The following HTR3B variants were observed in gnomAD, a reference collection of about 807,000 sequenced individuals.
HTR3B encodes the protein 5-hydroxytryptamine (serotonin) receptor 3B, ionotropic.
A neutral mutation model predicts 42.8 loss-of-function variants in HTR3B; 44 were observed. That is an observed-to-expected ratio of 1.03 (90% CI 0.81 to 1.32). The LOEUF (loss-of-function observed/expected upper bound fraction) is 1.32, where lower values mean the gene tolerates loss of function less well. HTR3B is among the 40% of genes most tolerant of loss of function. The pLI is 0.00. For synonymous variants in HTR3B, 203 were observed against 209.0 expected, an observed-to-expected ratio of 0.97 and a Z score of 0.25; for missense variants, 527 against 536.5, an observed-to-expected ratio of 0.98 and a Z score of 0.17.
At chr11:113,898,966 T>G in the HTR3B span, among the ~76,000 whole-genome samples, 1 of 152,288 alleles carries the variant, frequency 6.6e-6, no homozygotes, top group African/African-American at 2.4e-5. Context: ...CGTAGAAAAC[T>G]AACTCAATGC....
chr11:113,914,274 C>G (rs903127560), intron 2 of HTR3B, among the ~76,000 whole-genome samples: 3 of 151,618 alleles, frequency 2.0e-5, no homozygotes, highest in Non-Finnish European at 4.4e-5. Flanking sequence ...TTGAGACCAG[C>G]CTCAACGTGG....
At chr11:113,914,040 T>A (rs1431364278) in intron 2 of HTR3B, among the ~76,000 whole-genome samples, 4 of 147,232 alleles carry the variant, frequency 2.7e-5, no homozygotes, top group Non-Finnish European at 6.1e-5. Context: ...CTGTGAAAAA[T>A]ATATTTTTTT....
At chr11:113,906,586 T>C (rs1207731314) in intron 1 of HTR3B, among the ~76,000 whole-genome samples, 1 of 152,178 alleles carries the variant, frequency 6.6e-6, no homozygotes, top group East Asian at 1.9e-4. Flanking sequence ...ATACAACATG[T>C]CAGTCTTCTT....
chr11:113,948,603 C>T lies in HTR3B; in HGVS notation c.*2466C>T, dbSNP rs1406190874. Among the ~76,000 whole-genome samples, 1 of 152,216 alleles carries T rather than the reference C, an allele frequency of 6.6e-6. No homozygotes were observed. On this transcript the variant is annotated 3_prime_UTR_variant, in exon 9 of 9. Transcript: ENST00000260191. ...AAATAATGGGGCGTGGTGGCTCACG[C>T]CTATAATCCCAACACTTTGGGAGGC...
chr11:113,936,371 G>T (rs1950092274), intron 6 of HTR3B, among the ~76,000 whole-genome samples: 1 of 152,120 alleles, frequency 6.6e-6, no homozygotes, highest in African/African-American at 2.4e-5. Context: ...TGCGCACAGG[G>T]TGTCCTAGAA....
At chr11:113,932,863 G>A (rs1950050870) in intron 5 of HTR3B, 73 bp from the exon 6 acceptor site, 2 of 1,492,578 alleles carry the variant, frequency 1.3e-6, no homozygotes, top group Non-Finnish European at 9.2e-7. Flanking sequence ...GATTCGAATT[G>A]GGAGCTGGAA....
chr11:113,901,757 A>G (rs1949698990), upstream of HTR3B, among the ~76,000 whole-genome samples: 1 of 152,212 alleles, frequency 6.6e-6, no homozygotes, highest in South Asian at 2.1e-4. Context: ...ACAGATGGGC[A>G]TATCAGAAAG....
At chr11:113,924,406 G>A (rs1408896905) in intron 2 of HTR3B, among the ~76,000 whole-genome samples, 13 of 151,884 alleles carry the variant, frequency 8.6e-5, no homozygotes, top group Admixed American at 5.3e-4. Flanking sequence ...GCTTGAGTCC[G>A]GGAACTTGAG....
At chr11:113,922,562 TTTTTTCTGA>T (rs1391478783) in intron 2 of HTR3B, among the ~76,000 whole-genome samples, 14 of 151,476 alleles carry the variant, frequency 9.2e-5, no homozygotes, top group Non-Finnish European at 1.6e-4. Context: ...TATTTATTTA[TTTTTTCTGA>T]GCGAGACGCA....
chr11:113,941,416 A>T (rs1421835679), intron 6 of HTR3B, among the ~76,000 whole-genome samples: 1 of 152,186 alleles, frequency 6.6e-6, no homozygotes. Flanking sequence ...CTTATTAAAG[A>T]CACTTGCCAT....
intron 3 of HTR3B, 46 bp from the exon 4 acceptor site, chr11:113,931,712 A>G (rs377625798): frequency 1.9e-6 from 2 of 1,060,584 alleles, no homozygotes; most frequent in Non-Finnish European, 3.0e-6. Flanking sequence ...AGCGAAGTAG[A>G]TATTGCCCCA....
chr11:113,923,027 A>C (rs957950363), intron 2 of HTR3B, among the ~76,000 whole-genome samples: 5 of 152,232 alleles, frequency 3.3e-5, no homozygotes, highest in Admixed American at 3.3e-4. Context: ...CAATGAATGA[A>C]TGAATTAAAA....
intron 2 of HTR3B, among the ~76,000 whole-genome samples, chr11:113,916,408 A>G (rs541271955): frequency 1.3e-5 from 2 of 152,298 alleles, no homozygotes; most frequent in Admixed American, 1.3e-4. Flanking sequence ...ACTAATCTGT[A>G]TGTTTGTCTT....
chr11:113,927,767 A>G (rs1470119126), intron 2 of HTR3B, among the ~76,000 whole-genome samples: 4 of 152,032 alleles, frequency 2.6e-5, no homozygotes, highest in African/African-American at 9.7e-5. Context: ...TTCATGGGCC[A>G]GGCTGGTCTT....
intron 2 of HTR3B, among the ~76,000 whole-genome samples, chr11:113,911,623 G>T (rs1949795056): frequency 2.6e-5 from 4 of 150,962 alleles, no homozygotes; most frequent in Non-Finnish European, 4.4e-5. Flanking sequence ...GCCTCCCGGG[G>T]ACAAGCAATT....
chr11:113,943,247 C>A, intron 7 of HTR3B, 55 bp downstream of exon 7: 1 of 1,415,200 alleles, frequency 7.1e-7, no homozygotes, highest in Non-Finnish European at 9.8e-7. Context: ...TGTGAAAGAT[C>A]TAATGCTGGC....
chr11:113,901,210 G>A (rs758179261), upstream of HTR3B, among the ~76,000 whole-genome samples: 1 of 152,156 alleles, frequency 6.6e-6, no homozygotes, highest in Non-Finnish European at 1.5e-5. Context: ...GGGAGGCCAA[G>A]GCGGAAGGAT....
At chr11:113,925,417 GTTT>G (rs201996305) in intron 2 of HTR3B, among the ~76,000 whole-genome samples, 3 of 100,736 alleles carry the variant, frequency 3.0e-5, no homozygotes, top group East Asian at 2.6e-4. Flanking sequence ...TTACGAATTT[GTTT>G]TTTTTTTTTT....
chr11:113,905,816 T>G (rs1351616842), intron 1 of HTR3B, among the ~76,000 whole-genome samples: 2 of 152,172 alleles, frequency 1.3e-5, no homozygotes, highest in African/African-American at 4.8e-5. Flanking sequence ...ATTATAGAGA[T>G]GAGTTAGAAA....
Sources: gnomAD v4.1 joint callset for allele counts (sites outside exome capture counted in the v4.1 genomes callset) on GRCh38, gnomAD v4.1.1 for gene constraint, MANE v1.5 for transcripts, NCBI Gene and HGNC (gene_info 2026-07-23, HGNC 2026-07-21) for gene names.